Variants in CTNNA2 observed in about 807,000 individuals in gnomAD.
CTNNA2 encodes catenin alpha 2.
Under a neutral mutation model 101.0 loss-of-function variants are expected in CTNNA2, and 42 were observed. The observed-to-expected ratio is 0.42, with a 90% CI of 0.32 to 0.54. The LOEUF is 0.54. Ranked by LOEUF, CTNNA2 falls within the 20% of genes least tolerant of loss-of-function variation. The pLI is 0.14. For missense variants in CTNNA2, 871 were observed against 1,223.1 expected, an observed-to-expected ratio of 0.71 and a Z score of 4.29; for synonymous variants, 450 against 456.4, an observed-to-expected ratio of 0.99 and a Z score of 0.18.
At chr2:80,342,288 A>G (rs1672315565) in intron 7 of CTNNA2, among the ~76,000 whole-genome samples, 1 of 152,226 alleles carries the variant, frequency 6.6e-6, no homozygotes, top group African/African-American at 2.4e-5. Context: ...TAGAAAAATC[A>G]GCAAATAGTA....
chr2:80,578,726 C>A (rs1695279879), intron 13 of CTNNA2, among the ~76,000 whole-genome samples: 1 of 152,160 alleles, frequency 6.6e-6, no homozygotes, highest in Admixed American at 6.5e-5. Context: ...CCGCCTCCAT[C>A]ACTTGCTAGG....
At chr2:80,549,745 G>A (rs1692407510) in intron 11 of CTNNA2, among the ~76,000 whole-genome samples, 1 of 152,080 alleles carries the variant, frequency 6.6e-6, no homozygotes, top group Non-Finnish European at 1.5e-5. Context: ...GAATAAAAGT[G>A]TGTAATTGAT....
chr2:80,183,615 T>C (rs1705930023), intron 7 of CTNNA2, among the ~76,000 whole-genome samples: 2 of 152,200 alleles, frequency 1.3e-5, no homozygotes, highest in Non-Finnish European at 2.9e-5. Context: ...TTTAATGCAA[T>C]AAACATTCTT....
chr2:80,363,175 C>G (rs1204369342), intron 7 of CTNNA2, among the ~76,000 whole-genome samples: 1 of 150,936 alleles, frequency 6.6e-6, no homozygotes, highest in Non-Finnish European at 1.5e-5. Context: ...AATATAAGTA[C>G]AAGAAATGAA....
At chr2:79,822,103 G>A (rs1025679633) in intron 3 of CTNNA2, among the ~76,000 whole-genome samples, 1 of 151,946 alleles carries the variant, frequency 6.6e-6, no homozygotes, top group South Asian at 2.1e-4. Context: ...CTAGCCTTCG[G>A]TAGCTTTATT....
intron 1 of CTNNA2, among the ~76,000 whole-genome samples, chr2:79,531,195 CATATATATATATATATATATATATAT>C (rs34087238): frequency 3.2e-4 from 35 of 110,280 alleles, no homozygotes; most frequent in Admixed American, 4.2e-4. Context: ...TAGATACGCT[CATATATATATATATATATATATATAT>C]ATATATATAT....
At chr2:80,459,642 G>T (rs538286068) in intron 9 of CTNNA2, among the ~76,000 whole-genome samples, 1 of 152,190 alleles carries the variant, frequency 6.6e-6, no homozygotes, top group Non-Finnish European at 1.5e-5. Flanking sequence ...TTCCTAACCT[G>T]GAACATACCA....
chr2:79,284,573 C>T (rs1212159191), intron 2 of CTNNA2, among the ~76,000 whole-genome samples: 9 of 150,940 alleles, frequency 6.0e-5, no homozygotes, highest in Middle Eastern at 3.4e-3. Context: ...TATTGATTTG[C>T]ATATATTGAA....
At chr2:79,769,996 T>C (rs1673457491) in intron 3 of CTNNA2, among the ~76,000 whole-genome samples, 1 of 152,196 alleles carries the variant, frequency 6.6e-6, no homozygotes, top group Non-Finnish European at 1.5e-5. Flanking sequence ...TTTTACTTAA[T>C]TTTAAATTGT....
intron 1 of CTNNA2, among the ~76,000 whole-genome samples, chr2:79,616,266 A>T (rs546352462): frequency 2.0e-5 from 3 of 152,278 alleles, no homozygotes; most frequent in East Asian, 3.9e-4. Context: ...TTCAATATGC[A>T]TAGTAAGAAC....
chr2:80,009,245 C>G (rs1443340796), intron 7 of CTNNA2, among the ~76,000 whole-genome samples: 1 of 152,196 alleles, frequency 6.6e-6, no homozygotes, highest in Non-Finnish European at 1.5e-5. Context: ...CCCACACCTC[C>G]AGCTCTGCAT....
intron 7 of CTNNA2, among the ~76,000 whole-genome samples, chr2:80,215,227 T>C (rs1023817923): frequency 1.3e-5 from 2 of 152,172 alleles, no homozygotes; most frequent in Non-Finnish European, 2.9e-5. Context: ...TTCGGAGAAG[T>C]TTGTTATTAC....
chr2:80,576,508 C>T (rs941513311), intron 13 of CTNNA2: 3 of 151,368 alleles, frequency 2.0e-5, no homozygotes, highest in African/African-American at 7.3e-5. Flanking sequence ...AGTCATTTTT[C>T]ATTTCTTACA....
At chr2:80,301,664 A>T (rs1280561725) in intron 7 of CTNNA2, among the ~76,000 whole-genome samples, 1 of 152,070 alleles carries the variant, frequency 6.6e-6, no homozygotes, top group Non-Finnish European at 1.5e-5. Flanking sequence ...TTCTTTTTCT[A>T]GTCCTTACAC....
At chr2:79,320,434 C>G (rs1676593289) in intron 3 of CTNNA2, among the ~76,000 whole-genome samples, 3 of 139,246 alleles carry the variant, frequency 2.2e-5, no homozygotes, top group South Asian at 4.8e-4. Flanking sequence ...GTTTATTGTA[C>G]TTCTAACCAA....
At chr2:80,260,536 A>G (rs1189078580) in intron 7 of CTNNA2, among the ~76,000 whole-genome samples, 4 of 152,046 alleles carry the variant, frequency 2.6e-5, no homozygotes, top group Non-Finnish European at 4.4e-5. Context: ...AATTGAAGGA[A>G]CCTCTCTTCT....
intron 2 of CTNNA2, among the ~76,000 whole-genome samples, chr2:79,716,980 TAAG>T (rs993003234): frequency 9.2e-5 from 14 of 151,604 alleles, no homozygotes; most frequent in Non-Finnish European, 1.6e-4. Context: ...ATCATTGTAA[TAAG>T]AAGTCATAGG....
intron 4 of CTNNA2, among the ~76,000 whole-genome samples, chr2:79,434,901 A>T (rs1213044353): frequency 6.6e-6 from 1 of 152,064 alleles, no homozygotes. Context: ...CCTGCCCCAC[A>T]TTTGTTTCTG....
At position 80,209,100 on chromosome 2, in the gene CTNNA2, C is replaced by T. The variant is rs181666725; in HGVS notation, c.1057-184111C>T. On this transcript the variant is annotated intron_variant, in intron 7 of 18. Transcript: ENST00000402739. ...GGAAGACTGAGACATCATTGTGAAA[C>T]CACCAACTACATCTTTGTGATGAAT... is the stretch of plus-strand genomic sequence containing the variant. Among the ~76,000 whole-genome samples, 54 of 152,010 alleles carry T rather than the reference C, an allele frequency of 3.6e-4. 1 individual carries two copies. The highest frequency in any genetic ancestry group is 3.1e-3 in the Admixed American group (48 of 15,272).
Sources: allele counts gnomAD v4.1 joint callset (sites outside exome capture counted in the v4.1 genomes callset), GRCh38; gene constraint gnomAD v4.1.1; transcripts MANE v1.5; gene names NCBI Gene and HGNC (gene_info 2026-07-23, HGNC 2026-07-21).